MARCHF1: variants seen among roughly 807,000 people sequenced by gnomAD.
MARCHF1 encodes the protein E3 ubiquitin-protein ligase MARCHF1.
In MARCHF1, 40 loss-of-function variants were observed where a neutral mutation model predicts 54.2. The observed-to-expected ratio is 0.74, with a 90% CI of 0.57 to 0.96. MARCHF1 has a LOEUF of 0.96. Ranked by LOEUF, MARCHF1 falls within the 40% of genes least tolerant of loss-of-function variation. The pLI, the probability that MARCHF1 is intolerant of heterozygous loss-of-function variation, is 0.00. For missense variants in MARCHF1, 586 were observed against 656.5 expected (o/e 0.89, Z 1.17); for synonymous variants, 236 against 236.3 (o/e 1.00, Z 0.01).
chr4:164,036,410 G>A (rs1754003634), intron 2 of MARCHF1, among the ~76,000 whole-genome samples: 1 of 152,000 alleles, frequency 6.6e-6, no homozygotes, highest in African/African-American at 2.4e-5. Context: ...AATTGAGTTG[G>A]GAAGCTGTAA....
intron 3 of MARCHF1, among the ~76,000 whole-genome samples, chr4:163,928,591 TA>T (rs892133275): frequency 1.3e-5 from 2 of 152,030 alleles, no homozygotes; most frequent in Non-Finnish European, 2.9e-5. Context: ...GGTGAGTTGC[TA>T]TATTCTTTTT....
intron 8 of MARCHF1, among the ~76,000 whole-genome samples, chr4:163,565,433 C>T (rs773841485): frequency 2.2e-4 from 34 of 152,140 alleles, no homozygotes; most frequent in East Asian, 3.9e-4. Context: ...GCCTTGACAA[C>T]GTGGGTTAGT....
At position 163,683,655 on chromosome 4, in the gene MARCHF1, A is replaced by G. The variant is rs113710722; in HGVS notation, c.162+17158T>C. Reference sequence around the variant, plus strand: ...TCTGTTAACTTAAATAGTCCTTAACAAAATCAGGTCTTCCTGCTGGGGTAA... The same window carrying G: ...TCTGTTAACTTAAATAGTCCTTAACGAAATCAGGTCTTCCTGCTGGGGTAA... On this transcript the variant is annotated intron_variant, in intron 5 of 9. Coordinates refer to ENST00000514618, the MANE Select transcript of MARCHF1 (RefSeq NM_001394959.1). Among the ~76,000 whole-genome samples the G allele has an allele frequency of 6.2e-3, 945 of 152,356 alleles. 14 individuals are homozygous for G. Among genetic ancestry groups the G allele is most frequent in the African/African-American group, 0.022 (905 of 41,576 alleles).
chr4:163,609,529 G>T (rs1741254267), intron 7 of MARCHF1, among the ~76,000 whole-genome samples: 1 of 151,570 alleles, frequency 6.6e-6, no homozygotes, highest in African/African-American at 2.4e-5. Context: ...CCTAAATCTA[G>T]GTTCCTTTAT....
chr4:163,634,422 A>C (rs767216598), intron 5 of MARCHF1, among the ~76,000 whole-genome samples: 2,118 of 146,156 alleles, frequency 0.014, 20 homozygotes, highest in Non-Finnish European at 0.022. Context: ...CAAATGGAAA[A>C]CAAAAAAAGG....
chr4:163,703,012 C>T lies in MARCHF1; in HGVS notation c.112-2149G>A, dbSNP rs536708713. Among the ~76,000 whole-genome samples, 70 of 152,208 alleles carry T rather than the reference C, an allele frequency of 4.6e-4. 1 individual carries two copies. Among genetic ancestry groups the T allele is most frequent in the Admixed American group, 4.1e-3 (62 of 15,256 alleles). On this transcript the variant is annotated intron_variant, in intron 4 of 9. Coordinates refer to ENST00000514618, the MANE Select transcript of MARCHF1 (RefSeq NM_001394959.1). Reference sequence around the variant, plus strand: ...AACTCTAGTGATGTGCTAATTCTGGCAGGAGTACATTGTTTGACATTCCTG... The same window carrying T: ...AACTCTAGTGATGTGCTAATTCTGGTAGGAGTACATTGTTTGACATTCCTG...
intron 7 of MARCHF1, among the ~76,000 whole-genome samples, chr4:163,603,457 C>T (rs1912822): frequency 0.29 from 44,665 of 151,898 alleles, 7,399 homozygotes; most frequent in Middle Eastern, 0.38. Context: ...TTACCAACCT[C>T]GACAGGGCTT....
In MARCHF1 at chr4:164,231,065, T is replaced by C. The variant is rs1426070694; in HGVS notation, c.-322-119403A>G. 2.6e-5 allele frequency among the ~76,000 whole-genome samples: 4 copies of C among 152,122 alleles called. No homozygotes were observed. The South Asian group carries it at 6.2e-4, about 24-fold the overall frequency. ...TTATTAAATAGGATGTGGATGGATA[T>C]AAAGGTCCAGGACTTAAAGTGAGGA... On this transcript the variant is annotated intron_variant, in intron 1 of 9. Transcript: ENST00000514618.
chr4:164,060,897 C>A (rs1300688548), intron 2 of MARCHF1, among the ~76,000 whole-genome samples: 1 of 152,098 alleles, frequency 6.6e-6, no homozygotes, highest in East Asian at 1.9e-4. Flanking sequence ...GTGTAAGTAA[C>A]CTCCTCACAC....
chr4:164,043,395 C>G (rs181480896), intron 2 of MARCHF1, among the ~76,000 whole-genome samples: 14 of 152,290 alleles, frequency 9.2e-5, no homozygotes. Flanking sequence ...GACTTGCACC[C>G]TCTGAAAAAA....
intron 4 of MARCHF1, among the ~76,000 whole-genome samples, chr4:163,742,259 A>C (rs1439143041): frequency 5.3e-5 from 8 of 152,100 alleles, no homozygotes; most frequent in African/African-American, 1.7e-4. Context: ...GAATGATGTC[A>C]AACAAATATG....
chr4:163,723,983 C>T (rs1243928689), intron 4 of MARCHF1, among the ~76,000 whole-genome samples: 5 of 152,164 alleles, frequency 3.3e-5, no homozygotes, highest in African/African-American at 1.2e-4. Context: ...CCTCCTTTAG[C>T]TCGGAGAAGT....
At chr4:163,996,066 T>C (rs1303185320) in intron 2 of MARCHF1, among the ~76,000 whole-genome samples, 1 of 152,024 alleles carries the variant, frequency 6.6e-6, no homozygotes, top group African/African-American at 2.4e-5. Flanking sequence ...GTTTTTTATA[T>C]CTGAAAGATC....
chr4:163,576,548 C>A (rs1740043561), intron 8 of MARCHF1, among the ~76,000 whole-genome samples: 1 of 152,016 alleles, frequency 6.6e-6, no homozygotes, highest in South Asian at 2.1e-4. Context: ...CTGTAGATGT[C>A]TATTTGGTCC....
chr4:164,028,902 A>T (rs1006047126), intron 2 of MARCHF1, among the ~76,000 whole-genome samples: 17 of 152,344 alleles, frequency 1.1e-4, no homozygotes, highest in Middle Eastern at 3.4e-3. Context: ...GGTTGTGGTC[A>T]TATAGACTTC....
chr4:164,213,596 T>C (rs952516282), intron 1 of MARCHF1, among the ~76,000 whole-genome samples: 2 of 152,062 alleles, frequency 1.3e-5, no homozygotes, highest in African/African-American at 4.8e-5. Context: ...AACAGGAATA[T>C]TAATAAGATA....
intron 1 of MARCHF1, among the ~76,000 whole-genome samples, chr4:164,262,488 C>T (rs1257679511): frequency 6.6e-6 from 1 of 152,158 alleles, no homozygotes; most frequent in Non-Finnish European, 1.5e-5. Flanking sequence ...ACTACCACTG[C>T]ACTTTGTTGT....
intron 1 of MARCHF1, among the ~76,000 whole-genome samples, chr4:164,122,046 A>T (rs1756078051): frequency 6.6e-6 from 1 of 152,160 alleles, no homozygotes; most frequent in African/African-American, 2.4e-5. Flanking sequence ...AACATACACA[A>T]ATCAATCAAT....
At chr4:163,646,107 A>C (rs1742750331) in intron 5 of MARCHF1, among the ~76,000 whole-genome samples, 1 of 149,634 alleles carries the variant, frequency 6.7e-6, no homozygotes, top group Non-Finnish European at 1.5e-5. Flanking sequence ...TCTCATAGAG[A>C]GAATCTTGAA....
Sources: allele counts gnomAD v4.1 joint callset (sites outside exome capture counted in the v4.1 genomes callset), GRCh38; gene constraint gnomAD v4.1.1; transcripts MANE v1.5; gene names NCBI Gene and HGNC (gene_info 2026-07-23, HGNC 2026-07-21).